TTC39B: variants seen among roughly 807,000 people sequenced by gnomAD.
TTC39B encodes tetratricopeptide repeat domain 39B, also known as tetratricopeptide repeat protein 39B.
Under a neutral mutation model 96.6 loss-of-function variants are expected in TTC39B, and 92 were observed. That is an observed-to-expected ratio of 0.95 (90% CI 0.80 to 1.13). The LOEUF (loss-of-function observed/expected upper bound fraction) is 1.13, where lower values mean the gene tolerates loss of function less well. TTC39B is among the 50% of genes most tolerant of loss of function. TTC39B has a pLI of 0.00. For missense variants in TTC39B, 955 were observed against 809.3 expected, an observed-to-expected ratio of 1.18 and a Z score of -2.18; for synonymous variants, 367 against 299.4, an observed-to-expected ratio of 1.23 and a Z score of -2.33.
chr9:15,234,427 G>A (rs539906983), intron 2 of TTC39B, among the ~76,000 whole-genome samples: 18 of 148,288 alleles, frequency 1.2e-4, no homozygotes, highest in Middle Eastern at 4.0e-3. Context: ...CCCCCCGCCC[G>A]GCCAGCCGCC....
At position 15,187,991 on chromosome 9, in the gene TTC39B, T is replaced by G; in HGVS notation, c.1375A>C (p.Lys459Gln). The change falls in exon 14 of 20, where the codon AAA becomes CAA. Residue 459 changes from lysine (K) to glutamine (Q), a missense_variant. Coordinates refer to ENST00000512701, the Ensembl canonical transcript of TTC39B. ...TTTACCTTGGACCATTTACTCTCTTTGCAAAGCAGATCTGAATAGTAATAT... is the reference window on the plus strand; with the variant it reads ...TTTACCTTGGACCATTTACTCTCTTGGCAAAGCAGATCTGAATAGTAATAT... 1.2e-6 allele frequency: 2 copies of G among 1,601,956 alleles called. No homozygotes were observed. The highest frequency in any genetic ancestry group is 1.7e-4 in the Middle Eastern group (1 of 6,018).
chr9:15,191,705 C>A (rs1169405672), intron 9 of TTC39B, among the ~76,000 whole-genome samples: 2 of 152,186 alleles, frequency 1.3e-5, no homozygotes, highest in African/African-American at 2.4e-5. Context: ...AGGGAATATC[C>A]TTCCAGTGGG....
At chr9:15,223,921 T>C (rs999625258) in intron 3 of TTC39B, among the ~76,000 whole-genome samples, 1 of 152,126 alleles carries the variant, frequency 6.6e-6, no homozygotes, top group African/African-American at 2.4e-5. Flanking sequence ...TGAAAACACT[T>C]CTCAATTATT....
At chr9:15,271,623 G>C (rs746983905) in intron 1 of TTC39B, among the ~76,000 whole-genome samples, 19 of 152,080 alleles carry the variant, frequency 1.2e-4, no homozygotes, top group Non-Finnish European at 2.8e-4. Flanking sequence ...ATGCTCGCCC[G>C]CCCACCACTC....
At position 15,210,199 on chromosome 9, in the gene TTC39B, A is replaced by G. The variant is rs767032643; in HGVS notation, c.615-35T>C. 4 of 1,402,980 alleles carry G rather than the reference A, an allele frequency of 2.9e-6. No homozygotes were observed. The South Asian group carries it at 3.8e-5, about 13-fold the overall frequency. The allele number at this position is 1,402,980 out of a possible 1,614,324, so 86.9% of individuals were successfully genotyped here. Reference sequence around the variant, plus strand: ...ATAAATAAAAAGGGAGATAGAAAATAGAAAAAAAAAATCAGGCTGAGCTCA... The same window carrying G: ...ATAAATAAAAAGGGAGATAGAAAATGGAAAAAAAAAATCAGGCTGAGCTCA... On this transcript the variant is annotated intron_variant, in intron 5 of 19. Coordinates refer to ENST00000512701, the Ensembl canonical transcript of TTC39B.
At chr9:15,298,343 C>G (rs1258057832) in intron 1 of TTC39B, among the ~76,000 whole-genome samples, 1 of 152,160 alleles carries the variant, frequency 6.6e-6, no homozygotes, top group Non-Finnish European at 1.5e-5. Flanking sequence ...TTCTCACGCT[C>G]CATAATTGTA....
At chr9:15,217,473 G>C (rs986173111) in intron 3 of TTC39B, among the ~76,000 whole-genome samples, 1 of 152,142 alleles carries the variant, frequency 6.6e-6, no homozygotes, top group Non-Finnish European at 1.5e-5. Flanking sequence ...CTTCTGAGTG[G>C]TTTACGATGA....
intron 8 of TTC39B, among the ~76,000 whole-genome samples, 160 bp downstream of exon 8, chr9:15,199,701 C>T (rs1287464315): frequency 8.3e-6 from 1 of 120,094 alleles, no homozygotes; most frequent in Non-Finnish European, 1.6e-5. Flanking sequence ...CGCCACTGCA[C>T]TCCAACCTGG....
In TTC39B at chr9:15,267,899, T is replaced by G. The variant is rs1586982256; in HGVS notation, c.275+15A>C. The stretch of plus-strand genomic sequence containing the variant: ...TTTTTCCTTACTACATACTTTTTAT[T>G]ATGTTATTACTTACATTGAGATGGT... On this transcript the variant is annotated intron_variant, in intron 2 of 19. Coordinates refer to ENST00000512701, the Ensembl canonical transcript of TTC39B. 1 of 1,602,246 alleles carries G rather than the reference T, an allele frequency of 6.2e-7. No homozygotes were observed. Among genetic ancestry groups the G allele is most frequent in the Non-Finnish European group, 8.5e-7 (1 of 1,174,616 alleles).
At chr9:15,300,467 T>C (rs558837766) in intron 1 of TTC39B, among the ~76,000 whole-genome samples, 2 of 152,322 alleles carry the variant, frequency 1.3e-5, no homozygotes, top group South Asian at 4.1e-4. Flanking sequence ...TTACTCATCA[T>C]CTTCCACACT....
chr9:15,239,661 C>A (rs150111559), intron 2 of TTC39B, among the ~76,000 whole-genome samples: 7 of 152,254 alleles, frequency 4.6e-5, no homozygotes, highest in South Asian at 2.1e-4. Flanking sequence ...AAGTCAGAAG[C>A]AGAAAATCAA....
chr9:15,192,932 A>AG lies in TTC39B; in HGVS notation c.825-238dup, dbSNP rs1204706579. Among the ~76,000 whole-genome samples the AG allele has an allele frequency of 2.6e-5, 4 of 152,316 alleles. 1 individual carries two copies. In the East Asian group the frequency reaches 7.7e-4, roughly 29 times the overall value. On this transcript the variant is annotated intron_variant, in intron 8 of 19. Coordinates refer to ENST00000512701, the Ensembl canonical transcript of TTC39B. ...GCAGGACCAGTGTTTCTGGGCTTAAAGAGAGGGTTCATCCATTGGCAAGCA... is the reference window on the plus strand; with the variant it reads ...GCAGGACCAGTGTTTCTGGGCTTAAAGGAGAGGGTTCATCCATTGGCAAGCA...
rs1354282999 is a variant in TTC39B, at chr9:15,248,837, C to A, written c.275+19077G>T. ...TGATTTATTTTACCCTGCAGGAAGTCAACCAAAATACTGGCACCCAAAAAG... is the reference window on the plus strand; with the variant it reads ...TGATTTATTTTACCCTGCAGGAAGTAAACCAAAATACTGGCACCCAAAAAG... On this transcript the variant is annotated intron_variant, in intron 2 of 19. Transcript: ENST00000512701. Among the ~76,000 whole-genome samples the A allele has an allele frequency of 2.6e-5, 4 of 152,118 alleles. No individual in the cohort carries two copies. In the East Asian group the frequency reaches 7.7e-4, roughly 29 times the overall value.
chr9:15,255,759 A>C (rs370846710), intron 2 of TTC39B, among the ~76,000 whole-genome samples: 6 of 152,360 alleles, frequency 3.9e-5, no homozygotes. Flanking sequence ...GATAGTGTTT[A>C]CTATGCCCAA....
chr9:15,231,222 A>T (rs1339952313), intron 2 of TTC39B, among the ~76,000 whole-genome samples: 5 of 152,004 alleles, frequency 3.3e-5, no homozygotes, highest in Non-Finnish European at 2.9e-5. Flanking sequence ...CATCTTGCCC[A>T]GGCTGGTCTT....
At chr9:15,249,647 C>T (rs1294659438) in intron 2 of TTC39B, 2 of 172,406 alleles carry the variant, frequency 1.2e-5, no homozygotes, top group Admixed American at 6.4e-5. Context: ...AGATCCTCCT[C>T]CGCAGCAAGT....
intron 1 of TTC39B, among the ~76,000 whole-genome samples, chr9:15,269,698 C>CA (rs1320815001): frequency 7.4e-5 from 11 of 147,976 alleles, no homozygotes; most frequent in Non-Finnish European, 1.2e-4. Flanking sequence ...CTAAAAAATA[C>CA]AAAAAAATTA....
At chr9:15,211,102 T>C (rs1308146076) in intron 5 of TTC39B, among the ~76,000 whole-genome samples, 164 bp downstream of exon 5, 3 of 146,638 alleles carry the variant, frequency 2.0e-5, no homozygotes, top group African/African-American at 7.7e-5. Context: ...AAGTGGAATA[T>C]GTAGATGCCA....
At chr9:15,227,122 C>G (rs901384396) in intron 2 of TTC39B, among the ~76,000 whole-genome samples, 1 of 152,060 alleles carries the variant, frequency 6.6e-6, no homozygotes, top group African/African-American at 2.4e-5. Flanking sequence ...GCCTGGCCAA[C>G]ATGGTGAAAC....
Sources: gnomAD v4.1 joint callset for allele counts (sites outside exome capture counted in the v4.1 genomes callset) on GRCh38, gnomAD v4.1.1 for gene constraint, MANE v1.5 for transcripts, NCBI Gene and HGNC (gene_info 2026-07-23, HGNC 2026-07-21) for gene names.